SNED1: variants seen among roughly 807,000 people sequenced by gnomAD.
SNED1 encodes the protein sushi, nidogen and EGF-like domain-containing protein 1.
SNED1 carries 81 observed loss-of-function variants against 166.7 expected under a neutral mutation model. The observed-to-expected ratio is 0.49, with a 90% CI of 0.41 to 0.58. The LOEUF (loss-of-function observed/expected upper bound fraction) is 0.58. SNED1 is among the 20% of genes least tolerant of loss of function. SNED1 has a pLI of 0.00. For missense variants in SNED1, 1,604 were observed against 2,000.2 expected (o/e 0.80, Z 3.78); for synonymous variants, 762 against 822.0 (o/e 0.93, Z 1.25).
intron 1 of SNED1, among the ~76,000 whole-genome samples, chr2:241,002,174 T>C (rs1319830734): frequency 6.6e-6 from 1 of 152,098 alleles, no homozygotes; most frequent in East Asian, 1.9e-4. Context: ...CCCCATCAGG[T>C]CATACCTGTG....
At chr2:241,085,278 G>C (rs1397376408) in intron 29 of SNED1, among the ~76,000 whole-genome samples, 1 of 152,108 alleles carries the variant, frequency 6.6e-6, no homozygotes, top group African/African-American at 2.4e-5. Context: ...GGTCACTGCA[G>C]CTCTTCTCAA....
rs2060017026 is a variant in SNED1 at position 240,999,690 on chromosome 2, G to A, written c.213+640G>A. 1.3e-5 allele frequency among the ~76,000 whole-genome samples: 2 copies of A among 152,170 alleles called. No homozygotes were observed. Among genetic ancestry groups the A allele is most frequent in the African/African-American group, 4.8e-5 (2 of 41,448 alleles). ...ACAGGACTCCCAGTGGGACTCCTGG[G>A]GCCAGGGACTCATGACAGCAGGCTC... On this transcript the variant is annotated intron_variant, in intron 1 of 31. Transcript: ENST00000310397. The surrounding 1 kb of genome is among the most constrained non-coding windows in gnomAD (Gnocchi z 5.8).
At chr2:241,037,133 C>A in intron 5 of SNED1, 107 bp from the exon 6 acceptor site, 1 of 1,090,088 alleles carries the variant, frequency 9.2e-7, no homozygotes, top group Non-Finnish European at 1.3e-6. Context: ...CTCTCTGAGC[C>A]AATCTCGGGC....
rs191528779 is a variant in SNED1 at position 241,027,885 on chromosome 2, C to T, written c.214-2399C>T. Among the ~76,000 whole-genome samples the T allele has an allele frequency of 3.2e-3, 483 of 152,190 alleles. 3 individuals carry two copies. Among genetic ancestry groups the T allele is most frequent in the African/African-American group, 0.011 (448 of 41,496 alleles). On this transcript the variant is annotated intron_variant, in intron 1 of 31. Coordinates refer to ENST00000310397, the MANE Select transcript of SNED1 (RefSeq NM_001080437.3). ...AGTAGCTGGGACTACAGGCACCCAC[C>T]ACCATGCCTGGCTAATTTTTTGTAT...
At chr2:241,034,545 C>G (rs762518120) in intron 3 of SNED1, 23 bp from the exon 4 acceptor site, 1 of 1,567,478 alleles carries the variant, frequency 6.4e-7, no homozygotes, top group Non-Finnish European at 8.7e-7. Context: ...GCCTCCCTCA[C>G]TCTGCCCCCA....
upstream of SNED1, among the ~76,000 whole-genome samples, chr2:240,998,147 C>T (rs1415528089): frequency 6.6e-6 from 1 of 152,272 alleles, no homozygotes; most frequent in African/African-American, 2.4e-5. Flanking sequence ...TAGTCTCCGG[C>T]CCGGGCTCTT....
intron 1 of SNED1, among the ~76,000 whole-genome samples, chr2:241,009,141 G>C (rs1219016300): frequency 6.6e-6 from 1 of 152,234 alleles, no homozygotes; most frequent in Non-Finnish European, 1.5e-5. Context: ...TGCATCTCAA[G>C]ATTGCATCTC....
At chr2:241,050,738 A>G (rs1304981800) in intron 12 of SNED1, among the ~76,000 whole-genome samples, 1 of 151,926 alleles carries the variant, frequency 6.6e-6, no homozygotes, top group Non-Finnish European at 1.5e-5. Flanking sequence ...TCCTAGGACC[A>G]CCCTGAGGCC....
rs6721364 is a variant in SNED1 at position 241,073,367 on chromosome 2, G to A, written c.3916+3G>A. On this transcript the variant is annotated splice_donor_region_variant and intron_variant, in intron 27 of 31. Coordinates refer to ENST00000310397, the MANE Select transcript of SNED1 (RefSeq NM_001080437.3). The surrounding 1 kb of genome is among the most constrained non-coding windows in gnomAD (Gnocchi z 6.6). ...ACACGGCAGCAAGGACATCGGAAGT[G>A]AGTCAGCAGCGCTGGTGGGGACTTT... is the stretch of plus-strand genomic sequence containing the variant. 2,997 of 1,563,294 alleles carry A rather than the reference G, an allele frequency of 1.9e-3. 45 individuals are homozygous for A. In the African/African-American group the frequency reaches 0.034, roughly 18 times the overall value.
chr2:241,036,329 G>A (rs1315647354), intron 4 of SNED1, among the ~76,000 whole-genome samples: 2 of 151,396 alleles, frequency 1.3e-5, no homozygotes, highest in Non-Finnish European at 3.0e-5. Context: ...CAGAGCGGCC[G>A]CCCAGCATCC....
rs2062405114 is a variant in SNED1 at position 241,065,540 on chromosome 2, A to G, written c.2955A>G (p.Arg985=). 2 of 1,612,742 alleles carry G rather than the reference A, an allele frequency of 1.2e-6. No individual in the cohort carries two copies. Among genetic ancestry groups the G allele is most frequent in the Admixed American group, 1.7e-5 (1 of 59,998 alleles). Residue 985 remains arginine (R), a synonymous_variant, in exon 21 of 32, where the codon CGA becomes CGG. Coordinates refer to ENST00000310397, the MANE Select transcript of SNED1 (RefSeq NM_001080437.3). ...AYNISVFSVK[R]NSNNKNDISR... ...ACATCTCCGTCTTCTCAGTGAAGCG[A>G]AACAGTAACAACAAGAATGACATCA...
chr2:241,059,999 A>G (rs1247064601), intron 16 of SNED1, among the ~76,000 whole-genome samples: 1 of 152,230 alleles, frequency 6.6e-6, no homozygotes, highest in African/African-American at 2.4e-5. Context: ...AGGAAATTCT[A>G]CAAAAGAAGC....
chr2:241,037,412 C>G, intron 6 of SNED1, 59 bp downstream of exon 6: 1 of 1,186,228 alleles, frequency 8.4e-7, no homozygotes, highest in South Asian at 1.3e-5. Context: ...GCGGGAGACA[C>G]AGCTGGACAA....
chr2:241,037,451 G>C lies in SNED1; in HGVS notation c.1045+98G>C. 5 of 829,228 alleles carry C rather than the reference G, an allele frequency of 6.0e-6. No homozygotes were observed. The South Asian group carries it at 6.4e-5, about 11-fold the overall frequency. The allele number at this position is 829,228 out of a possible 1,614,324, so 51.4% of individuals were successfully genotyped here. On this transcript the variant is annotated intron_variant, in intron 6 of 31. Transcript: ENST00000310397. Reference sequence around the variant, plus strand: ...TGAGGTCTTGGAAGGTCCAGCAGCTGTGCATGCTGCAAGGTAGACAGCCCA... The same window carrying C: ...TGAGGTCTTGGAAGGTCCAGCAGCTCTGCATGCTGCAAGGTAGACAGCCCA...
At chr2:241,066,486 T>C (rs888454066) in intron 21 of SNED1, among the ~76,000 whole-genome samples, 1 of 151,772 alleles carries the variant, frequency 6.6e-6, no homozygotes, top group Non-Finnish European at 1.5e-5. Flanking sequence ...CCAAGTGGGG[T>C]GCAGGGCCAT....
intron 16 of SNED1, among the ~76,000 whole-genome samples, chr2:241,059,136 TGTATCTGACAAC>T (rs1218411838): frequency 2.6e-5 from 4 of 152,194 alleles, no homozygotes; most frequent in Non-Finnish European, 1.5e-5. Context: ...TTTAGGCCAA[TGTATCTGACAAC>T]TTAGGGGAAA....
intron 3 of SNED1, among the ~76,000 whole-genome samples, 159 bp downstream of exon 3, chr2:241,034,034 C>A (rs1367187187): frequency 1.3e-5 from 2 of 152,228 alleles, no homozygotes; most frequent in Non-Finnish European, 2.9e-5. Context: ...TGAGGCCTCT[C>A]ACTGCCCAAA....
In SNED1 at chr2:241,018,659, C is replaced by T. The variant is rs904644205; in HGVS notation, c.214-11625C>T. ...CAGGCACAAGGCCAGCAGGAGCACC[C>T]GTGTGAGAGCCACAGAGACGCCCTG... On this transcript the variant is annotated intron_variant, in intron 1 of 31. Coordinates refer to ENST00000310397, the MANE Select transcript of SNED1 (RefSeq NM_001080437.3). This position sits in a 1 kb window ranked among gnomAD's most constrained non-coding sequence, Gnocchi z 5.4. Among the ~76,000 whole-genome samples, 5 of 152,316 alleles carry T rather than the reference C, an allele frequency of 3.3e-5. No individual in the cohort carries two copies. The highest frequency in any genetic ancestry group is 2.1e-4 in the South Asian group (1 of 4,828).
chr2:241,087,705 G>T (rs2063656875), intron 30 of SNED1: 31 of 1,360,940 alleles, frequency 2.3e-5, no homozygotes, highest in East Asian at 2.7e-5. Context: ...TGCTGGGGGG[G>T]GTCACTCTGG....
Sources: allele counts gnomAD v4.1 joint callset (sites outside exome capture counted in the v4.1 genomes callset), GRCh38; gene constraint gnomAD v4.1.1; non-coding constraint Gnocchi (gnomAD v3.1); transcripts MANE v1.5; gene names NCBI Gene and HGNC (gene_info 2026-07-23, HGNC 2026-07-21).